The following MRPL9 variants were observed in gnomAD, a reference collection of about 807,000 sequenced individuals.
MRPL9 encodes the protein mitochondrial ribosomal protein L9, also known as large ribosomal subunit protein bL9m.
A neutral mutation model predicts 27.6 loss-of-function variants in MRPL9; 25 were observed. The ratio of observed to expected loss-of-function variants is 0.91; its 90% CI spans 0.66 to 1.27. MRPL9 has a LOEUF of 1.27. Ranked by LOEUF, MRPL9 falls within the 50% of genes most tolerant of loss-of-function variation. The pLI is 0.00. For synonymous variants in MRPL9, 154 were observed against 139.0 expected (o/e 1.11, Z -0.76); for missense variants, 362 against 338.0 (o/e 1.07, Z -0.56).
At chr1:151,763,182 AC>A in intron 1 of MRPL9, 36 bp from the exon 2 acceptor site, 1 of 1,602,890 alleles carries the variant, frequency 6.2e-7, no homozygotes. Context: ...GCTAGTCTCC[AC>A]AAGGAACACC....
intron 1 of MRPL9, 88 bp from the exon 2 acceptor site, chr1:151,763,234 C>A: frequency 6.5e-7 from 1 of 1,538,986 alleles, no homozygotes; most frequent in Non-Finnish European, 8.8e-7. Flanking sequence ...AAGGAAAGCC[C>A]GCCACCCCCA....
chr1:151,760,809 C>A lies in MRPL9; in HGVS notation c.672+7G>T. The A allele has an allele frequency of 6.4e-7, 1 of 1,565,354 alleles. No individual in the cohort carries two copies. The highest frequency in any genetic ancestry group is 8.6e-7 in the Non-Finnish European group (1 of 1,163,680). On this transcript the variant is annotated splice_region_variant and intron_variant, in intron 6 of 6. Coordinates refer to ENST00000368830, the MANE Select transcript of MRPL9 (RefSeq NM_031420.4). ...AAAAGAAAAAAGAAAGTATGCAAAA[C>A]ACTCACCGTCACCTCACACCAATAC...
rs961331584 is a variant in MRPL9 at position 151,763,047 on chromosome 1, C to T, written c.253G>A (p.Asp85Asn). ...RRHRVYKLVEDTKHRPKENLE... is the reference protein window; with the variant it reads ...RRHRVYKLVENTKHRPKENLE... ...TTTTCTTTGGGCCGATGCTTCGTGT[C>T]CTCCACCAGCTTATAGACGCGATGT... is the stretch of plus-strand genomic sequence containing the variant. The change falls in exon 2 of 7, where the codon GAC (aspartate) becomes AAC (asparagine). Residue 85 changes from aspartate (D) to asparagine (N), a missense_variant. Asp to Asn is a conservative substitution (Grantham distance 23). Transcript: ENST00000368830. 1 of 1,614,230 alleles carries T rather than the reference C, an allele frequency of 6.2e-7. No individual in the cohort carries two copies. Among genetic ancestry groups the T allele is most frequent in the Non-Finnish European group, 8.5e-7 (1 of 1,180,044 alleles).
At chr1:151,761,429 G>C in intron 5 of MRPL9, 22 bp downstream of exon 5, 2 of 1,575,526 alleles carry the variant, frequency 1.3e-6, no homozygotes, top group Non-Finnish European at 1.7e-6. Context: ...GGGTAGAGTG[G>C]TTTTTGGGAA....
intron 3 of MRPL9, 45 bp from the exon 4 acceptor site, chr1:151,762,200 G>T: frequency 3.1e-6 from 5 of 1,602,922 alleles, no homozygotes; most frequent in Non-Finnish European, 4.3e-6. Flanking sequence ...AGAAAAATGA[G>T]CCCATGTTAA....
At position 151,760,903 on chromosome 1, in the gene MRPL9, CAAAAAAAAA is replaced by C; in HGVS notation, c.589-13_589-5del. On this transcript the variant is annotated splice_polypyrimidine_tract_variant and splice_region_variant and intron_variant, in intron 5 of 6. Transcript: ENST00000368830. Reference sequence around the variant, plus strand: ...GTGGGGCAACCACAACACCAAGCTGCAAAAAAAAAAAAAAAAAAAAAAATCTCAGCTCAA... The same window carrying C: ...GTGGGGCAACCACAACACCAAGCTGCAAAAAAAAAAAAAATCTCAGCTCAA... 14 of 953,866 alleles carry C rather than the reference CAAAAAAAAA, an allele frequency of 1.5e-5. No individual in the cohort carries two copies. The highest frequency in any genetic ancestry group is 3.6e-4 in the Middle Eastern group (1 of 2,786). The allele number at this position is 953,866 out of a possible 1,614,324, so 59.1% of individuals were successfully genotyped here.
chr1:151,763,037 T>A lies in MRPL9; in HGVS notation c.263A>T (p.His88Leu). The A allele has an allele frequency of 6.2e-7, 1 of 1,614,236 alleles. No individual in the cohort carries two copies. Among genetic ancestry groups the A allele is most frequent in the Admixed American group, 1.7e-5 (1 of 60,028 alleles). The change falls in exon 2 of 7, where the codon CAT (histidine) becomes CTT (leucine). Residue 88 changes from histidine (H) to leucine (L), a missense_variant. His to Leu is a moderately conservative substitution (Grantham distance 99). Coordinates refer to ENST00000368830, the MANE Select transcript of MRPL9 (RefSeq NM_031420.4). ...RVYKLVEDTK[H>L]RPKENLELIL... ...GAGCTCCAGGTTTTCTTTGGGCCGA[T>A]GCTTCGTGTCCTCCACCAGCTTATA... is the stretch of plus-strand genomic sequence containing the variant.
Position 151,760,903 on chromosome 1 carries a change from C to CAAAAAAAAAAAAAA in MRPL9, c.589-18_589-5dup, listed in dbSNP as rs755031728. ...GTGGGGCAACCACAACACCAAGCTG[C>CAAAAAAAAAAAAAA]AAAAAAAAAAAAAAAAAAAAAAATC... On this transcript the variant is annotated splice_polypyrimidine_tract_variant and splice_region_variant and intron_variant, in intron 5 of 6. Transcript: ENST00000368830. 2,157 of 950,940 alleles carry CAAAAAAAAAAAAAA rather than the reference C, an allele frequency of 2.3e-3. 12 individuals are homozygous for CAAAAAAAAAAAAAA. Among genetic ancestry groups the CAAAAAAAAAAAAAA allele is most frequent in the Middle Eastern group, 2.9e-3 (8 of 2,770 alleles). 58.9% of individuals were successfully genotyped at this position (950,940 alleles called of 1,614,324 possible). A position where few individuals can be genotyped will look rare whatever the true frequency, so the allele number is the denominator to read the frequency against.
In MRPL9 at chr1:151,762,968, A is replaced by C. The variant is rs199815567; in HGVS notation, c.310+22T>G. The C allele has an allele frequency of 1.7e-5, 28 of 1,609,348 alleles. No individual in the cohort carries two copies. In the Middle Eastern group the frequency reaches 5.0e-4, roughly 29 times the overall value. On this transcript the variant is annotated intron_variant, in intron 2 of 6. Transcript: ENST00000368830. Reference sequence around the variant, plus strand: ...GCCAAACCGGACCAGCCTGAGAGGAAGCGCCTCGGCCCGGGCCTTACTCTC... The same window carrying C: ...GCCAAACCGGACCAGCCTGAGAGGACGCGCCTCGGCCCGGGCCTTACTCTC...
At position 151,759,875 on chromosome 1, in the gene MRPL9, C is replaced by CAGTT. The variant is rs1647981448; in HGVS notation, c.*171_*174dup. The CAGTT allele has an allele frequency of 3.8e-6, 3 of 788,594 alleles. No homozygotes were observed. Among genetic ancestry groups the CAGTT allele is most frequent in the Non-Finnish European group, 5.6e-6 (3 of 534,590 alleles). The allele number at this position is 788,594 out of a possible 1,614,324, so 48.8% of individuals were successfully genotyped here. On this transcript the variant is annotated 3_prime_UTR_variant, in exon 7 of 7. Transcript: ENST00000368830. ...CAGGACTTCCCTGCCCCAGTGATGA[C>CAGTT]AGTTAAAGATGGCAAAAATGAAGAA...
chr1:151,763,302 C>G (rs1648203363), intron 1 of MRPL9, 25 bp downstream of exon 1: 1 of 1,588,174 alleles, frequency 6.3e-7, no homozygotes, highest in Non-Finnish European at 8.6e-7. Flanking sequence ...GCGTATCTAC[C>G]CCCTACCCCA....
intron 3 of MRPL9, 33 bp downstream of exon 3, chr1:151,762,343 C>T (rs1648130152): frequency 6.2e-7 from 1 of 1,613,530 alleles, no homozygotes; most frequent in African/African-American, 1.3e-5. Flanking sequence ...AGTTTTATCT[C>T]CCCAAGTCTC....
rs1270443572 is a variant in MRPL9 at position 151,763,366 on chromosome 1, G to T, written c.114C>A (p.Ala38=). The T allele has an allele frequency of 1.9e-6, 3 of 1,576,612 alleles. No homozygotes were observed. The highest frequency in any genetic ancestry group is 2.7e-5 in the African/African-American group (2 of 73,860). ...GGCTGAAGTTGCAGGCCAGGTCAGG[G>T]GCGTTCCCTTCATGTCGCGGCCGCA... ...ELLRPRHEGN[A]PDLACNFSLS... is the part of the protein sequence containing the mutation. Residue 38 remains alanine (A), a synonymous_variant, in exon 1 of 7, where the codon GCC becomes GCA. Transcript: ENST00000368830.
At position 151,761,436 on chromosome 1, in the gene MRPL9, G is replaced by A. The variant is rs1648075418; in HGVS notation, c.588+15C>T. ...CACCTCAGGGGTAGAGTGGTTTTTG[G>A]GAACACTCACTCACATTCTTAAAGA... On this transcript the variant is annotated intron_variant, in intron 5 of 6. Coordinates refer to ENST00000368830, the MANE Select transcript of MRPL9 (RefSeq NM_031420.4). 6.3e-7 allele frequency: 1 copy of A among 1,595,596 alleles called. No individual in the cohort carries two copies. Among genetic ancestry groups the A allele is most frequent in the Non-Finnish European group, 8.6e-7 (1 of 1,163,354 alleles).
At position 151,763,485 on chromosome 1, in the gene MRPL9, C is replaced by T; in HGVS notation, c.-6G>A. The T allele has an allele frequency of 1.3e-6, 2 of 1,571,728 alleles. No homozygotes were observed. Among genetic ancestry groups the T allele is most frequent in the Non-Finnish European group, 1.7e-6 (2 of 1,159,268 alleles). On this transcript the variant is annotated 5_prime_UTR_variant, in exon 1 of 7. It adds an upstream start codon to the 5' untranslated region. Transcript: ENST00000368830. The stretch of plus-strand genomic sequence containing the variant: ...GTGACAACGGGCGCCGCCATGTTCA[C>T]AGGCACAGAATGAGACCTGAGGGAG...
Position 151,762,498 on chromosome 1 carries a change from C to T in MRPL9, c.313G>A (p.Val105Ile). 4 of 1,613,962 alleles carry T rather than the reference C, an allele frequency of 2.5e-6. No homozygotes were observed. Among genetic ancestry groups the T allele is most frequent in the Non-Finnish European group, 3.4e-6 (4 of 1,179,866 alleles). ...ELILTQSVEN[V>I]GVRGDLVSVK... ...GAGACCAGGTCACCCCGGACTCCAA[C>T]ATCTGTCAATTAGAACAGAGACAGG... Residue 105 changes from valine to isoleucine, a missense_variant and splice_region_variant, in exon 3 of 7, where the codon GTT becomes ATT. By Grantham distance (29) the Val-to-Ile change is conservative. Transcript: ENST00000368830.
chr1:151,763,448 C>G lies in MRPL9; in HGVS notation c.32G>C (p.Arg11Thr), dbSNP rs1240006089. Residue 11 changes from arginine (R) to threonine (T), a missense_variant, in exon 1 of 7, where the codon AGA (arginine) becomes ACA (threonine). By Grantham distance (71) the Arg-to-Thr change is moderately conservative. Coordinates refer to ENST00000368830, the MANE Select transcript of MRPL9 (RefSeq NM_031420.4). MAAPVVTAPGRALLRAGAGRL... is the reference protein window; with the variant it reads MAAPVVTAPGTALLRAGAGRL... ...TCCAGCGCCCGCCCGCAGCAGAGCT[C>G]TGCCCGGGGCCGTGACAACGGGCGC... 1.9e-6 allele frequency: 3 copies of G among 1,573,494 alleles called. No homozygotes were observed. The highest frequency in any genetic ancestry group is 2.6e-6 in the Non-Finnish European group (3 of 1,159,818).
chr1:151,760,680 A>G, intron 6 of MRPL9, 136 bp downstream of exon 6: 3 of 694,062 alleles, frequency 4.3e-6, no homozygotes, highest in Non-Finnish European at 6.7e-6. Context: ...CTGAGGTGGG[A>G]GGATCGCTTG....
chr1:151,762,215 C>T, intron 3 of MRPL9, 60 bp from the exon 4 acceptor site: 1 of 1,580,280 alleles, frequency 6.3e-7, no homozygotes, highest in Non-Finnish European at 8.7e-7. Context: ...TGTTAAATAG[C>T]ATCAAACTAT....
Sources: allele counts gnomAD v4.1 joint callset, GRCh38; gene constraint gnomAD v4.1.1; transcripts MANE v1.5; gene names NCBI Gene and HGNC (gene_info 2026-07-23, HGNC 2026-07-21).